Variants in NOL4 observed in about 807,000 individuals in gnomAD.
NOL4 encodes the protein cancer/testis antigen 125.
In NOL4, 17 loss-of-function variants were observed where a neutral mutation model predicts 75.9. The observed-to-expected ratio is 0.22, with a 90% CI of 0.15 to 0.34. NOL4 has a LOEUF of 0.34. NOL4 is among the 10% of genes least tolerant of loss of function. The probability of loss-of-function intolerance (pLI) is 1.00; values close to 1 mark genes in which losing one functional copy is unlikely to be tolerated. For missense variants in NOL4, 614 were observed against 793.5 expected (o/e 0.77, Z 2.72); for synonymous variants, 292 against 289.9 (o/e 1.01, Z -0.07).
chr18:34,061,572 A>C (rs2077063273), intron 5 of NOL4, among the ~76,000 whole-genome samples: 1 of 152,136 alleles, frequency 6.6e-6, no homozygotes, highest in Non-Finnish European at 1.5e-5. Context: ...GCACATATAC[A>C]ACATAGCTTG....
intron 1 of NOL4, among the ~76,000 whole-genome samples, chr18:34,152,492 T>A (rs1010447737): frequency 2.0e-5 from 3 of 151,912 alleles, no homozygotes; most frequent in Non-Finnish European, 4.4e-5. Flanking sequence ...AGAAACACAG[T>A]GAATCCTACA....
At chr18:33,970,923 T>C (rs1391000382) in intron 6 of NOL4, among the ~76,000 whole-genome samples, 4 of 152,160 alleles carry the variant, frequency 2.6e-5, no homozygotes. Context: ...TATGAGTTTA[T>C]GTCATGCAAA....
intron 6 of NOL4, among the ~76,000 whole-genome samples, chr18:34,013,902 A>T (rs949890575): frequency 2.0e-5 from 3 of 151,950 alleles, no homozygotes; most frequent in African/African-American, 7.2e-5. Flanking sequence ...ATAAGAATAC[A>T]TGTTGTTGCT....
chr18:33,855,469 T>C (rs138189592), intron 10 of NOL4, among the ~76,000 whole-genome samples: 129 of 152,222 alleles, frequency 8.5e-4, no homozygotes, highest in African/African-American at 3.1e-3. Context: ...AGCACGGCTC[T>C]GGAAAAGCTG....
At chr18:34,036,636 G>T (rs569094782) in intron 5 of NOL4, among the ~76,000 whole-genome samples, 3 of 152,078 alleles carry the variant, frequency 2.0e-5, no homozygotes, top group African/African-American at 7.2e-5. Flanking sequence ...ATAAATAAAT[G>T]GCATCAGCCC....
chr18:33,980,573 A>T (rs952482732), intron 6 of NOL4, among the ~76,000 whole-genome samples: 2 of 151,976 alleles, frequency 1.3e-5, no homozygotes, highest in Non-Finnish European at 2.9e-5. Flanking sequence ...AGCCTGCTCT[A>T]GGCATCCTGT....
intron 4 of NOL4, among the ~76,000 whole-genome samples, chr18:34,100,656 TG>T (rs2079004932): frequency 6.6e-6 from 1 of 152,212 alleles, no homozygotes; most frequent in Non-Finnish European, 1.5e-5. Flanking sequence ...CCTCCCTATC[TG>T]CCAGATGTTA....
intron 5 of NOL4, among the ~76,000 whole-genome samples, chr18:34,077,944 A>G (rs180888166): frequency 6.6e-6 from 1 of 152,304 alleles, no homozygotes; most frequent in Admixed American, 6.5e-5. Context: ...AACTAACTTA[A>G]TAAGTTAACC....
At chr18:34,191,117 T>G (rs2034882080) in intron 1 of NOL4, among the ~76,000 whole-genome samples, 1 of 152,130 alleles carries the variant, frequency 6.6e-6, no homozygotes, top group Non-Finnish European at 1.5e-5. Context: ...GACTACATGA[T>G]TACACAATTT....
chr18:34,060,224 C>G (rs1333051798), intron 5 of NOL4, among the ~76,000 whole-genome samples: 1 of 152,112 alleles, frequency 6.6e-6, no homozygotes, highest in East Asian at 1.9e-4. Context: ...ACTCACAGTC[C>G]CTGGAACAGC....
At chr18:33,940,235 A>C (rs1421513768) in intron 9 of NOL4, among the ~76,000 whole-genome samples, 1 of 152,140 alleles carries the variant, frequency 6.6e-6, no homozygotes, top group Non-Finnish European at 1.5e-5. Context: ...TCATTCTGCT[A>C]TAAAGACACA....
intron 1 of NOL4, among the ~76,000 whole-genome samples, chr18:34,142,540 A>G (rs2081215486): frequency 6.6e-6 from 1 of 152,174 alleles, no homozygotes; most frequent in South Asian, 2.1e-4. Context: ...AGGGACATGG[A>G]TGAAGCTGGA....
At chr18:34,161,107 A>T (rs866657890) in intron 1 of NOL4, among the ~76,000 whole-genome samples, 1 of 152,128 alleles carries the variant, frequency 6.6e-6, no homozygotes, top group African/African-American at 2.4e-5. Context: ...ACTTAACACA[A>T]TGTCCTTCGG....
intron 9 of NOL4, among the ~76,000 whole-genome samples, chr18:33,930,081 T>G (rs2067587781): frequency 6.6e-6 from 1 of 152,114 alleles, no homozygotes; most frequent in Non-Finnish European, 1.5e-5. Flanking sequence ...CAAAATTATT[T>G]TAACCATGTT....
At chr18:33,902,378 G>C (rs1214463335) in intron 9 of NOL4, among the ~76,000 whole-genome samples, 3 of 151,984 alleles carry the variant, frequency 2.0e-5, no homozygotes, top group African/African-American at 7.3e-5. Context: ...TGTTGAGAAG[G>C]CCTAAGATGA....
At chr18:34,121,926 G>C (rs942085197) in intron 2 of NOL4, among the ~76,000 whole-genome samples, 1 of 152,148 alleles carries the variant, frequency 6.6e-6, no homozygotes, top group Non-Finnish European at 1.5e-5. Flanking sequence ...AATGCCACCT[G>C]TCTGCCCCTA....
intron 2 of NOL4, among the ~76,000 whole-genome samples, chr18:34,127,932 C>T (rs1196726443): frequency 6.6e-6 from 1 of 151,836 alleles, no homozygotes; most frequent in African/African-American, 2.4e-5. Flanking sequence ...TCAAATAGGA[C>T]ATTCTCAAGA....
chr18:34,046,662 T>C (rs1440070426), intron 5 of NOL4, among the ~76,000 whole-genome samples: 1 of 115,976 alleles, frequency 8.6e-6, no homozygotes, highest in African/African-American at 3.0e-5. Flanking sequence ...CTCTGCTATC[T>C]CAATAAATGG....
At chr18:34,181,548 G>A (rs1160018113) in intron 1 of NOL4, among the ~76,000 whole-genome samples, 1 of 151,362 alleles carries the variant, frequency 6.6e-6, no homozygotes, top group Non-Finnish European at 1.5e-5. Context: ...AGTATAAGCA[G>A]CCAAAGAAAA....
Sources: allele counts gnomAD v4.1 joint callset (sites outside exome capture counted in the v4.1 genomes callset), GRCh38; gene constraint gnomAD v4.1.1; transcripts MANE v1.5; gene names NCBI Gene and HGNC (gene_info 2026-07-23, HGNC 2026-07-21).